MED13: variants seen among roughly 807,000 people sequenced by gnomAD.
The protein encoded by MED13 is mediator complex subunit 13.
A neutral mutation model predicts 225.2 loss-of-function variants in MED13; 23 were observed. The ratio of observed to expected loss-of-function variants is 0.10; its 90% CI spans 0.07 to 0.14. The LOEUF (loss-of-function observed/expected upper bound fraction) is 0.14, where lower values mean the gene tolerates loss of function less well. Ranked by LOEUF, MED13 falls within the 10% of genes least tolerant of loss-of-function variation. The pLI, the probability that MED13 is intolerant of heterozygous loss-of-function variation, is 1.00. For synonymous variants in MED13, 942 were observed against 889.2 expected, an observed-to-expected ratio of 1.06 and a Z score of -1.06; for missense variants, 2,197 against 2,594.5, an observed-to-expected ratio of 0.85 and a Z score of 3.33.
intron 2 of MED13, among the ~76,000 whole-genome samples, chr17:62,056,191 C>T (rs1231289415): frequency 6.6e-6 from 1 of 152,150 alleles, no homozygotes; most frequent in Non-Finnish European, 1.5e-5. Context: ...AACAAGAAGC[C>T]TACTGAGCCA....
At chr17:62,064,884 G>A (rs746699682) in intron 1 of MED13, among the ~76,000 whole-genome samples, 15 of 152,202 alleles carry the variant, frequency 9.9e-5, no homozygotes, top group Non-Finnish European at 1.8e-4. Flanking sequence ...CTCAAGTTGA[G>A]GACGAGACTA....
chr17:61,972,603 A>AC (rs1364144282), intron 17 of MED13, 124 bp downstream of exon 17: 4 of 876,932 alleles, frequency 4.6e-6, no homozygotes, highest in Non-Finnish European at 6.8e-6. Flanking sequence ...GGATTGGACC[A>AC]CAGTGGCCTT....
chr17:62,047,451 A>C (rs2080908317), intron 3 of MED13, among the ~76,000 whole-genome samples: 1 of 152,164 alleles, frequency 6.6e-6, no homozygotes, highest in African/African-American at 2.4e-5. Flanking sequence ...AACTAACACA[A>C]GAACAGAAAA....
rs79003775 is a variant in MED13 at position 61,996,284 on chromosome 17, A to T, written c.1968-919T>A. ...ACAGAATCATTAGCTTCTGGTTTGC[A>T]TAAGACATGTTTAGACTCTCAAATT... On this transcript the variant is annotated intron_variant, in intron 9 of 29. Coordinates refer to ENST00000397786, the MANE Select transcript of MED13 (RefSeq NM_005121.3). Among the ~76,000 whole-genome samples, 314 of 152,332 alleles carry T rather than the reference A, an allele frequency of 2.1e-3. 1 individual carries two copies. The highest frequency in any genetic ancestry group is 3.1e-3 in the Non-Finnish European group (211 of 68,034).
intron 23 of MED13, among the ~76,000 whole-genome samples, chr17:61,960,578 T>A (rs777901588): frequency 6.6e-6 from 1 of 152,238 alleles, no homozygotes. Context: ...AGACCATTTT[T>A]TTACATCTTT....
intron 9 of MED13, among the ~76,000 whole-genome samples, chr17:62,008,053 C>T (rs1360707610): frequency 7.1e-6 from 1 of 140,794 alleles, no homozygotes; most frequent in Non-Finnish European, 1.5e-5. Context: ...CGCAGTGGCT[C>T]ACGCCTGTAA....
intron 5 of MED13, among the ~76,000 whole-genome samples, chr17:62,032,137 G>A (rs2080763187): frequency 6.6e-6 from 1 of 151,492 alleles, no homozygotes; most frequent in Non-Finnish European, 1.5e-5. Flanking sequence ...TTTAAAGTGA[G>A]CACTGGTAAT....
At chr17:61,981,001 C>T (rs974048024) in intron 16 of MED13, among the ~76,000 whole-genome samples, 29 of 150,772 alleles carry the variant, frequency 1.9e-4, no homozygotes, top group African/African-American at 6.4e-4. Context: ...TGGGATTAGA[C>T]GCATGAGCCA....
At chr17:62,063,418 T>G in intron 1 of MED13, 117 bp from the exon 2 acceptor site, 1 of 648,934 alleles carries the variant, frequency 1.5e-6, no homozygotes, top group Non-Finnish European at 2.6e-6. Context: ...ATGCTTGAGA[T>G]ATTGACTGCA....
chr17:61,969,281 G>A (rs1325399470), intron 17 of MED13, among the ~76,000 whole-genome samples: 2 of 152,094 alleles, frequency 1.3e-5, no homozygotes, highest in Admixed American at 6.6e-5. Context: ...GAACCCAGGG[G>A]GTGGAGGTTG....
At chr17:61,995,443 GTTTT>G in intron 9 of MED13, 78 bp from the exon 10 acceptor site, 1 of 966,112 alleles carries the variant, frequency 1.0e-6, no homozygotes, top group Non-Finnish European at 1.5e-6. Context: ...GTATCATAAT[GTTTT>G]TAGAATTACT....
rs2079832128 is a variant in MED13, at chr17:61,943,807, C to A, written c.*2661G>T. ...ACTAATCTTTTTAAATGACAAAATA[C>A]TGAACTTCCACCCTGCTTAATAATC... On this transcript the variant is annotated 3_prime_UTR_variant, in exon 30 of 30. Transcript: ENST00000397786. 1 of 152,506 alleles carries A rather than the reference C, an allele frequency of 6.6e-6. No homozygotes were observed. The highest frequency in any genetic ancestry group is 6.6e-5 in the Admixed American group (1 of 15,248). 9.4% of individuals were successfully genotyped at this position (152,506 alleles called of 1,614,324 possible). A position where few individuals can be genotyped will look rare whatever the true frequency, so the allele number is the denominator to read the frequency against.
At chr17:61,968,401 C>G (rs2080078109) in intron 17 of MED13, 143 bp from the exon 18 acceptor site, 1 of 563,624 alleles carries the variant, frequency 1.8e-6, no homozygotes, top group Admixed American at 3.8e-5. Flanking sequence ...TCTCGGCTCA[C>G]TGCAAGCTCC....
At chr17:62,057,995 G>GAT (rs1240835170) in intron 2 of MED13, among the ~76,000 whole-genome samples, 9 of 152,062 alleles carry the variant, frequency 5.9e-5, no homozygotes, top group Non-Finnish European at 1.2e-4. Context: ...AAAAATGTTA[G>GAT]AACACAGAAT....
Position 61,965,172 on chromosome 17 carries a change from G to A in MED13, c.4678C>T (p.Pro1560Ser), listed in dbSNP as rs200848380. 5.0e-6 allele frequency: 8 copies of A among 1,614,034 alleles called. No homozygotes were observed. In the African/African-American group the frequency reaches 9.3e-5, roughly 19 times the overall value. Reference protein sequence around the residue: ...VSSNKLPSFPPFGSMNSNAAG... With the variant: ...VSSNKLPSFPSFGSMNSNAAG... ...GCATTACTGTTCATACTGCCAAAGG[G>A]TGGAAACGAAGGTAGTTTATTTGAT... Residue 1560 changes from proline to serine, a missense_variant, in exon 20 of 30, where the codon CCC (proline) becomes TCC (serine). Coordinates refer to ENST00000397786, the MANE Select transcript of MED13 (RefSeq NM_005121.3).
At chr17:61,949,875 G>A (rs1368236945) in intron 28 of MED13, among the ~76,000 whole-genome samples, 1 of 151,886 alleles carries the variant, frequency 6.6e-6, no homozygotes, top group Non-Finnish European at 1.5e-5. Context: ...AGTAGAAACG[G>A]GGTCTCACCA....
chr17:61,999,536 G>A (rs8066964), intron 9 of MED13, among the ~76,000 whole-genome samples: 24,405 of 152,006 alleles, frequency 0.16, 2,400 homozygotes, highest in East Asian at 0.5. Context: ...TATTTGCCAC[G>A]TGTATCTTAT....
intron 18 of MED13, among the ~76,000 whole-genome samples, chr17:61,967,012 A>G (rs950196747): frequency 2.0e-5 from 3 of 152,218 alleles, no homozygotes; most frequent in Non-Finnish European, 4.4e-5. Context: ...TTAGGTATAC[A>G]TTAACACCAA....
At chr17:61,981,969 A>G (rs1332991080) in intron 16 of MED13, among the ~76,000 whole-genome samples, 2 of 152,256 alleles carry the variant, frequency 1.3e-5, no homozygotes, top group Non-Finnish European at 2.9e-5. Context: ...TGTGCCTTTC[A>G]TATTCCTACA....
Sources: gnomAD v4.1 joint callset for allele counts (sites outside exome capture counted in the v4.1 genomes callset) on GRCh38, gnomAD v4.1.1 for gene constraint, MANE v1.5 for transcripts, NCBI Gene and HGNC (gene_info 2026-07-23, HGNC 2026-07-21) for gene names.